HOXC6: variants seen among roughly 807,000 people sequenced by gnomAD.
The protein encoded by HOXC6 is homeobox protein Hox-C6.
HOXC6 carries 10 observed loss-of-function variants against 24.0 expected under a neutral mutation model. The ratio of observed to expected loss-of-function variants is 0.42; its 90% confidence interval spans 0.26 to 0.71. HOXC6 has a LOEUF of 0.71. Ranked by LOEUF, HOXC6 falls within the 30% of genes least tolerant of loss-of-function variation. The pLI is 0.28. For synonymous variants in HOXC6, 123 were observed against 128.1 expected (o/e 0.96, Z 0.27); for missense variants, 258 against 303.4 (o/e 0.85, Z 1.11).
In HOXC6 at chr12:54,028,463, A is replaced by G. The variant is rs536737464; in HGVS notation, c.-59A>G. The G allele has an allele frequency of 1.3e-6, 2 of 1,553,854 alleles. No individual in the cohort carries two copies. Among genetic ancestry groups the G allele is most frequent in the African/African-American group, 2.7e-5 (2 of 73,278 alleles). On this transcript the variant is annotated 5_prime_UTR_variant, in exon 1 of 2. Transcript: ENST00000243108. ...CTATAACCATCTAGTTCCGAGTACA[A>G]ACTGGAGACAGAAATAAATATTAAA...
chr12:54,017,978 G>T (rs914953333), intron 1 of HOXC6, among the ~76,000 whole-genome samples: 4 of 152,198 alleles, frequency 2.6e-5, no homozygotes, highest in Non-Finnish European at 5.9e-5. Context: ...CCGGGCCGCC[G>T]AGCAGGAAGC....
chr12:54,027,577 CTG>C (rs1940777734), upstream of HOXC6, among the ~76,000 whole-genome samples: 1 of 152,252 alleles, frequency 6.6e-6, no homozygotes, highest in Non-Finnish European at 1.5e-5. Flanking sequence ...CTCTTTCTCT[CTG>C]TCTTTCCCCC....
At chr12:54,029,018 C>A (rs903052134) in intron 1 of HOXC6, 97 bp downstream of exon 1, 1 of 1,218,204 alleles carries the variant, frequency 8.2e-7, no homozygotes, top group Non-Finnish European at 1.1e-6. Context: ...TTTTATGGCC[C>A]CATAAAAACA....
Position 54,030,088 on chromosome 12 carries a change from G to C in HOXC6, c.*126G>C. The C allele has an allele frequency of 2.0e-6, 2 of 994,258 alleles. No individual in the cohort carries two copies. The highest frequency in any genetic ancestry group is 2.9e-6 in the Non-Finnish European group (2 of 695,200). 61.6% of individuals were successfully genotyped at this position (994,258 alleles called of 1,614,324 possible). A position where few individuals can be genotyped will look rare whatever the true frequency, so the allele number is the denominator to read the frequency against. On this transcript the variant is annotated 3_prime_UTR_variant, in exon 2 of 2. Coordinates refer to ENST00000243108, the MANE Select transcript of HOXC6 (RefSeq NM_004503.4). ...GTTTTGATTCCCTAAAACAAAATTAGGGAGTCAAACGTGGACCTGAAAGTC... is the reference window on the plus strand; with the variant it reads ...GTTTTGATTCCCTAAAACAAAATTACGGAGTCAAACGTGGACCTGAAAGTC...
At chr12:54,022,291 C>T (rs918972747) in intron 1 of HOXC6, 2 of 152,178 alleles carry the variant, frequency 1.3e-5, no homozygotes, top group African/African-American at 4.8e-5. Flanking sequence ...TCTTCTCCCA[C>T]ACTCCCTCTC....
intron 1 of HOXC6, among the ~76,000 whole-genome samples, chr12:54,022,769 A>G (rs1159256817): frequency 6.6e-6 from 1 of 152,126 alleles, no homozygotes; most frequent in Non-Finnish European, 1.5e-5. Flanking sequence ...GACATTTACA[A>G]TTTCTATATG....
At position 54,028,501 on chromosome 12, in the gene HOXC6, C is replaced by T; in HGVS notation, c.-21C>T. ...AATAAATATTAAAGAAATCATAGAC[C>T]GACCAGGTAAAGGCAAAGGGATGAA... On this transcript the variant is annotated 5_prime_UTR_variant, in exon 1 of 2. Coordinates refer to ENST00000243108, the MANE Select transcript of HOXC6 (RefSeq NM_004503.4). The T allele has an allele frequency of 1.2e-6, 2 of 1,607,694 alleles. No individual in the cohort carries two copies. Among genetic ancestry groups the T allele is most frequent in the Non-Finnish European group, 1.7e-6 (2 of 1,176,512 alleles).
At chr12:54,019,779 T>C (rs1940346926) in intron 1 of HOXC6, 1 of 152,028 alleles carries the variant, frequency 6.6e-6, no homozygotes, top group African/African-American at 2.4e-5. Flanking sequence ...GAGTTCGAGG[T>C]TGGCCGCTTA....
At chr12:54,028,968 T>C (rs758073273) in intron 1 of HOXC6, 47 bp downstream of exon 1, 12 of 1,532,074 alleles carry the variant, frequency 7.8e-6, no homozygotes, top group Non-Finnish European at 1.1e-5. Flanking sequence ...CTGAACTGGC[T>C]TTATGACCGG....
At chr12:54,022,368 G>T (rs1940490412) in intron 1 of HOXC6, 1 of 152,150 alleles carries the variant, frequency 6.6e-6, no homozygotes, top group African/African-American at 2.4e-5. Context: ...CTTTGCTAAA[G>T]ATCCTATATG....
At chr12:54,018,247 C>G (rs1470081701) in intron 1 of HOXC6, among the ~76,000 whole-genome samples, 2 of 152,230 alleles carry the variant, frequency 1.3e-5, no homozygotes, top group African/African-American at 4.8e-5. Flanking sequence ...GGTCCGGCGC[C>G]CCTCACCCCC....
At chr12:54,018,031 AG>A (rs1240987023) in intron 1 of HOXC6, among the ~76,000 whole-genome samples, 2 of 151,930 alleles carry the variant, frequency 1.3e-5, no homozygotes, top group African/African-American at 4.8e-5. Context: ...ATTGGCAATT[AG>A]GGGGGAGGCT....
rs758850699 is a variant in HOXC6 at position 54,029,910 on chromosome 12, G to A, written c.656G>A (p.Gly219Asp). ...GGAGGGGCCACCGCCGACAGCCTGG[G>A]CGGAAAAGAGGAAAAGCGGGAAGAG... ...GGGGATADSL[G>D]GKEEKREETE... The change falls in exon 2 of 2, where the codon GGC (glycine) becomes GAC (aspartate). Residue 219 changes from glycine to aspartate, a missense_variant. Physicochemically the swap from Gly to Asp is moderately conservative, Grantham distance 94 (BLOSUM62 -1). Transcript: ENST00000243108. The A allele has an allele frequency of 8.1e-6, 13 of 1,607,486 alleles. No homozygotes were observed. Among genetic ancestry groups the A allele is most frequent in the African/African-American group, 1.3e-5 (1 of 74,290 alleles).
At chr12:54,019,229 G>C (rs1205072117) in intron 1 of HOXC6, among the ~76,000 whole-genome samples, 1 of 148,778 alleles carries the variant, frequency 6.7e-6, no homozygotes, top group Non-Finnish European at 1.5e-5. Context: ...CTGACGAGGG[G>C]CTAATTTCGC....
upstream of HOXC6, among the ~76,000 whole-genome samples, chr12:54,023,782 G>T (rs540716140): frequency 1.3e-5 from 2 of 152,150 alleles, no homozygotes; most frequent in East Asian, 1.9e-4. Flanking sequence ...TTGGAATGCG[G>T]TGTGTGTAGC....
chr12:54,029,639 G>T lies in HOXC6; in HGVS notation c.401-16G>T. ...TTGCTGATTGCTTTTAGTGTGTTTT[G>T]TGCCCGGATCTTTAGGGGTCGGCTA... On this transcript the variant is annotated splice_polypyrimidine_tract_variant and intron_variant, in intron 1 of 1. Coordinates refer to ENST00000243108, the MANE Select transcript of HOXC6 (RefSeq NM_004503.4). The T allele has an allele frequency of 1.9e-6, 3 of 1,607,118 alleles. No individual in the cohort carries two copies. Among genetic ancestry groups the T allele is most frequent in the Non-Finnish European group, 2.6e-6 (3 of 1,175,238 alleles).
In HOXC6 at chr12:54,028,771, C is replaced by T. The variant is rs767298048; in HGVS notation, c.250C>T (p.Leu84Phe). Reference sequence around the variant, plus strand: ...TTCCTTTTACCAGGAGAAAGACATGCTCTCAAACTGCAGACAAAACACCTT... The same window carrying T: ...TTCCTTTTACCAGGAGAAAGACATGTTCTCAAACTGCAGACAAAACACCTT... Reference protein sequence around the residue: ...SNSFYQEKDMLSNCRQNTLGH... With the variant: ...SNSFYQEKDMFSNCRQNTLGH... Residue 84 changes from leucine to phenylalanine, a missense_variant, in exon 1 of 2, where the codon CTC becomes TTC. By Grantham distance (22) the Leu-to-Phe change is conservative. Coordinates refer to ENST00000243108, the MANE Select transcript of HOXC6 (RefSeq NM_004503.4). 4.3e-6 allele frequency: 7 copies of T among 1,614,044 alleles called. No homozygotes were observed. The East Asian group carries it at 1.6e-4, about 36-fold the overall frequency.
At chr12:54,018,003 G>A (rs1048218813) in intron 1 of HOXC6, among the ~76,000 whole-genome samples, 1 of 152,224 alleles carries the variant, frequency 6.6e-6, no homozygotes, top group African/African-American at 2.4e-5. Flanking sequence ...GCAGCTAGGC[G>A]GCCGGCGGGG....
At chr12:54,024,639 G>T (rs1011009877), upstream of HOXC6, among the ~76,000 whole-genome samples, 1 of 152,128 alleles carries the variant, frequency 6.6e-6, no homozygotes, top group African/African-American at 2.4e-5. Context: ...GCCTGCCCAC[G>T]AACTTCTTCA....
Sources: allele counts gnomAD v4.1 joint callset (sites outside exome capture counted in the v4.1 genomes callset), GRCh38; gene constraint gnomAD v4.1.1; transcripts MANE v1.5; gene names NCBI Gene and HGNC (gene_info 2026-07-23, HGNC 2026-07-21).